Variants in ZC3H13 observed in about 807,000 individuals in gnomAD.
ZC3H13 encodes zinc finger CCCH domain-containing protein 13.
A neutral mutation model predicts 204.1 loss-of-function variants in ZC3H13; 64 were observed. That is an observed-to-expected ratio of 0.31 (90% confidence interval 0.26 to 0.39). The LOEUF (loss-of-function observed/expected upper bound fraction) is 0.39. Among genes scored for constraint, ZC3H13 ranks in the 10% least tolerant of loss-of-function variants. ZC3H13 has a pLI of 1.00. For synonymous variants in ZC3H13, 667 were observed against 693.7 expected, an observed-to-expected ratio of 0.96 and a Z score of 0.60; for missense variants, 1,833 against 2,082.7, an observed-to-expected ratio of 0.88 and a Z score of 2.33.
intron 18 of ZC3H13, among the ~76,000 whole-genome samples, 159 bp downstream of exon 18, chr13:45,959,324 A>G (rs377310649): frequency 3.3e-4 from 51 of 152,338 alleles, no homozygotes; most frequent in African/African-American, 1.2e-3. Context: ...AATAAAGCAT[A>G]TTATACATTT....
intron 17 of ZC3H13, chr13:45,962,119 T>C: frequency 2.1e-6 from 2 of 958,844 alleles, no homozygotes; most frequent in Non-Finnish European, 2.5e-6. Flanking sequence ...CTACTATGTA[T>C]GTCAGGCACT....
intron 10 of ZC3H13, among the ~76,000 whole-genome samples, chr13:45,984,508 C>T (rs1312783682): frequency 6.6e-6 from 1 of 151,966 alleles, no homozygotes; most frequent in African/African-American, 2.4e-5. Context: ...AAATAAAAAT[C>T]CAACAGTTTT....
intron 17 of ZC3H13, 75 bp downstream of exon 17, chr13:45,963,767 A>G (rs1375680361): frequency 1.9e-6 from 3 of 1,595,564 alleles, no homozygotes; most frequent in African/African-American, 1.4e-5. Context: ...CTACATAAGA[A>G]CAGATCAGAA....
intron 7 of ZC3H13, among the ~76,000 whole-genome samples, chr13:46,007,930 A>G (rs113991926): frequency 6.6e-6 from 1 of 152,234 alleles, no homozygotes; most frequent in Admixed American, 6.5e-5. Context: ...AAAAGTGCAG[A>G]TGGACAGAAT....
intron 1 of ZC3H13, chr13:46,051,996 G>GGAAAAAAAA (rs71184436): frequency 8.3e-6 from 1 of 120,084 alleles, no homozygotes; most frequent in Non-Finnish European, 1.6e-5. Context: ...ACTGCTGAGG[G>GGAAAAAAAA]AAAAAAAAAA....
chr13:45,962,458 C>T (rs928481546), intron 17 of ZC3H13: 1 of 984,620 alleles, frequency 1.0e-6, no homozygotes. Context: ...GGTTTTATTC[C>T]ATCACTTTAC....
At chr13:46,035,695 T>C (rs925970577) in intron 4 of ZC3H13, among the ~76,000 whole-genome samples, 67 of 152,346 alleles carry the variant, frequency 4.4e-4, no homozygotes, top group African/African-American at 1.5e-3. Flanking sequence ...ACTATTTCTA[T>C]TTTGCATTTA....
At chr13:45,976,622 A>G (rs142223615) in intron 11 of ZC3H13, among the ~76,000 whole-genome samples, 265 of 152,316 alleles carry the variant, frequency 1.7e-3, no homozygotes, top group African/African-American at 5.9e-3. Context: ...CACACAAATC[A>G]CATAAACACA....
chr13:45,993,068 C>G (rs1013570431), intron 8 of ZC3H13, among the ~76,000 whole-genome samples: 1 of 151,968 alleles, frequency 6.6e-6, no homozygotes, highest in African/African-American at 2.4e-5. Flanking sequence ...ACTAATACAT[C>G]GAGGGAGGAC....
intron 4 of ZC3H13, among the ~76,000 whole-genome samples, chr13:46,034,924 C>T (rs528608505): frequency 2.0e-5 from 3 of 152,194 alleles, no homozygotes; most frequent in South Asian, 4.2e-4. Context: ...TTTATATATA[C>T]CAGTTAGTAT....
intron 10 of ZC3H13, among the ~76,000 whole-genome samples, chr13:45,982,531 T>C (rs1953735960): frequency 6.6e-6 from 1 of 152,116 alleles, no homozygotes; most frequent in South Asian, 2.1e-4. Context: ...CCTGAAAGGA[T>C]GGAAAAAGAT....
chr13:46,008,099 C>T (rs1308144460), intron 7 of ZC3H13, among the ~76,000 whole-genome samples: 2 of 151,844 alleles, frequency 1.3e-5, no homozygotes, highest in Non-Finnish European at 2.9e-5. Context: ...TCTTTCCATT[C>T]AATATGATAA....
intron 4 of ZC3H13, among the ~76,000 whole-genome samples, chr13:46,031,078 C>A (rs1377213588): frequency 6.6e-6 from 1 of 152,006 alleles, no homozygotes; most frequent in Non-Finnish European, 1.5e-5. Flanking sequence ...AAAGAAATGA[C>A]AAACAGATCA....
intron 5 of ZC3H13, among the ~76,000 whole-genome samples, chr13:46,014,741 T>A (rs61953330): frequency 0.25 from 38,012 of 152,060 alleles, 5,154 homozygotes; most frequent in South Asian, 0.32. Context: ...CTTATATTCC[T>A]CCTACAGCCA....
rs374941507 is a variant in ZC3H13 at position 46,011,347 on chromosome 13, CTGAGT to C, written c.588+63_588+67del. The stretch of plus-strand genomic sequence containing the variant: ...ATATAATTTAAGATGTAGCAAGAAG[CTGAGT>C]TATCTGATCAATACAAATGCTGCTA... On this transcript the variant is annotated intron_variant, in intron 6 of 18. Transcript: ENST00000679008. 1.4e-3 allele frequency: 2,042 copies of C among 1,417,314 alleles called. 32 individuals are homozygous for C. In the East Asian group the frequency reaches 0.021, roughly 14 times the overall value. The allele number at this position is 1,417,314 out of a possible 1,614,324, so 87.8% of individuals were successfully genotyped here. A position where few individuals can be genotyped will look rare whatever the true frequency, so the allele number is the denominator to read the frequency against.
At chr13:45,970,493 T>TAA in intron 12 of ZC3H13, 28 bp from the exon 13 acceptor site, 1 of 1,597,036 alleles carries the variant, frequency 6.3e-7, no homozygotes, top group African/African-American at 1.3e-5. Flanking sequence ...ACACAATTTA[T>TAA]AAAATTCTAG....
intron 4 of ZC3H13, among the ~76,000 whole-genome samples, chr13:46,021,432 C>T (rs1009763895): frequency 6.6e-6 from 1 of 151,906 alleles, no homozygotes; most frequent in Non-Finnish European, 1.5e-5. Flanking sequence ...CTTTTACTAA[C>T]ATTGTAAATA....
At chr13:46,029,717 C>T (rs974627034) in intron 4 of ZC3H13, among the ~76,000 whole-genome samples, 6 of 152,028 alleles carry the variant, frequency 3.9e-5, no homozygotes, top group East Asian at 1.9e-4. Context: ...CGTGAGCCAC[C>T]GCGCCCGGCC....
intron 15 of ZC3H13, among the ~76,000 whole-genome samples, chr13:45,966,717 T>C (rs892858179): frequency 2.6e-5 from 4 of 152,174 alleles, no homozygotes; most frequent in Non-Finnish European, 5.9e-5. Flanking sequence ...AAAATTGAGA[T>C]GAAAATGTAA....
Sources: allele counts gnomAD v4.1 joint callset (sites outside exome capture counted in the v4.1 genomes callset), GRCh38; gene constraint gnomAD v4.1.1; transcripts MANE v1.5; gene names NCBI Gene and HGNC (gene_info 2026-07-23, HGNC 2026-07-21).